The following HORMAD2 variants were observed in gnomAD, a reference collection of about 807,000 sequenced individuals.
HORMAD2 encodes the protein HORMA domain containing 2.
Under a neutral mutation model 38.8 loss-of-function variants are expected in HORMAD2, and 45 were observed. The ratio of observed to expected loss-of-function variants is 1.16; its 90% CI spans 0.91 to 1.49. The LOEUF is 1.49. Ranked by LOEUF, HORMAD2 falls within the 40% of genes most tolerant of loss-of-function variation. The pLI, the probability that HORMAD2 is intolerant of heterozygous loss-of-function variation, is 0.00. For synonymous variants in HORMAD2, 126 were observed against 122.8 expected, an observed-to-expected ratio of 1.03 and a Z score of -0.17; for missense variants, 338 against 367.0, an observed-to-expected ratio of 0.92 and a Z score of 0.65.
intron 10 of HORMAD2, among the ~76,000 whole-genome samples, chr22:30,159,748 A>T: frequency 6.7e-6 from 1 of 149,488 alleles, no homozygotes; most frequent in South Asian, 2.1e-4. Flanking sequence ...GAAAATGCTC[A>T]TTTTTTTTTT....
At chr22:30,191,024 AAG>A in the HORMAD2 span, among the ~76,000 whole-genome samples, 1 of 152,164 alleles carries the variant, frequency 6.6e-6, no homozygotes, top group African/African-American at 2.4e-5. Flanking sequence ...CCAGCAAGGA[AAG>A]AGAGAGAAAC....
upstream of HORMAD2, among the ~76,000 whole-genome samples, chr22:30,077,735 A>C (rs957089262): frequency 1.3e-5 from 2 of 152,200 alleles, no homozygotes; most frequent in African/African-American, 2.4e-5. Flanking sequence ...GCCTCTTAAG[A>C]AGCTTAGGGA....
the HORMAD2 span, among the ~76,000 whole-genome samples, chr22:30,193,335 G>A: frequency 6.6e-6 from 1 of 152,196 alleles, no homozygotes. Flanking sequence ...CAGGTATGAG[G>A]TTGGGCAGTG....
intron 2 of HORMAD2, among the ~76,000 whole-genome samples, chr22:30,097,893 G>A (rs5763767): frequency 0.55 from 83,117 of 152,038 alleles, 23,632 homozygotes; most frequent in African/African-American, 0.69. Context: ...GTATGTCCTC[G>A]GTCAAGCCAG....
At chr22:30,203,756 A>G in the HORMAD2 span, among the ~76,000 whole-genome samples, 1 of 152,110 alleles carries the variant, frequency 6.6e-6, no homozygotes. Flanking sequence ...CAAAACACAC[A>G]TGTTCTCCCT....
intron 10 of HORMAD2, among the ~76,000 whole-genome samples, chr22:30,125,215 T>C (rs1270036300): frequency 8.3e-6 from 1 of 120,656 alleles, no homozygotes; most frequent in Non-Finnish European, 1.6e-5. Context: ...CTTTTTCTTT[T>C]CTTTTTTTTT....
At chr22:30,154,298 C>T (rs1235647273) in intron 10 of HORMAD2, among the ~76,000 whole-genome samples, 1 of 152,180 alleles carries the variant, frequency 6.6e-6, no homozygotes, top group Admixed American at 6.5e-5. Flanking sequence ...TTTCTAAAAT[C>T]TACATTTTTG....
chr22:30,196,188 T>A, the HORMAD2 span, among the ~76,000 whole-genome samples: 3 of 152,196 alleles, frequency 2.0e-5, no homozygotes, highest in Non-Finnish European at 4.4e-5. Flanking sequence ...CCTCTGATGA[T>A]TGGACAAGAG....
At chr22:30,177,715 C>CTTTT (rs59806772), downstream of HORMAD2, among the ~76,000 whole-genome samples, 6 of 94,864 alleles carry the variant, frequency 6.3e-5, no homozygotes, top group Non-Finnish European at 6.1e-5. Flanking sequence ...TAAGGAGGAG[C>CTTTT]TTTTTTTTTT....
At chr22:30,198,428 A>G in the HORMAD2 span, among the ~76,000 whole-genome samples, 2 of 152,104 alleles carry the variant, frequency 1.3e-5, no homozygotes, top group Non-Finnish European at 2.9e-5. Flanking sequence ...TTCATCCACA[A>G]CACACAGATA....
At position 30,121,969 on chromosome 22, in the gene HORMAD2, C is replaced by T; in HGVS notation, c.574C>T (p.Pro192Ser). The T allele has an allele frequency of 6.2e-7, 1 of 1,610,488 alleles. No individual in the cohort carries two copies. Among genetic ancestry groups the T allele is most frequent in the South Asian group, 1.1e-5 (1 of 90,578 alleles). The change falls in exon 10 of 11, where the codon CCA becomes TCA. Residue 192 changes from proline (P) to serine (S), a missense_variant. By Grantham distance (74) the Pro-to-Ser change is moderately conservative. Coordinates refer to ENST00000336726, the MANE Select transcript of HORMAD2 (RefSeq NM_152510.4). Reference sequence around the variant, plus strand: ...TTGCCCTTTTCATTTCGCAGTGACCCCACATGATTACCAACCCCTCGGTTT... The same window carrying T: ...TTGCCCTTTTCATTTCGCAGTGACCTCACATGATTACCAACCCCTCGGTTT... ...MKLHYYNAVT[P>S]HDYQPLGFKE...
At chr22:30,114,482 A>AT (rs1200139726) in intron 7 of HORMAD2, among the ~76,000 whole-genome samples, 1 of 152,196 alleles carries the variant, frequency 6.6e-6, no homozygotes, top group East Asian at 1.9e-4. Context: ...TGATAAAACT[A>AT]TTTAGCTCCC....
At chr22:30,093,593 C>T (rs1472101463) in intron 1 of HORMAD2, among the ~76,000 whole-genome samples, 3 of 152,050 alleles carry the variant, frequency 2.0e-5, no homozygotes, top group African/African-American at 7.2e-5. Context: ...AAACTTATTT[C>T]CCAATGAGTA....
intron 7 of HORMAD2, among the ~76,000 whole-genome samples, chr22:30,113,021 A>C (rs1921776705): frequency 6.6e-6 from 1 of 151,972 alleles, no homozygotes; most frequent in Admixed American, 6.6e-5. Flanking sequence ...TCAGAGCTTT[A>C]CCTCTTTACT....
intron 3 of HORMAD2, among the ~76,000 whole-genome samples, chr22:30,101,056 C>T (rs952078559): frequency 1.3e-5 from 2 of 152,136 alleles, no homozygotes; most frequent in African/African-American, 4.8e-5. Flanking sequence ...CCAGAAATAC[C>T]ATTTGACCAA....
At chr22:30,194,744 G>A in the HORMAD2 span, among the ~76,000 whole-genome samples, 2 of 152,188 alleles carry the variant, frequency 1.3e-5, no homozygotes, top group Admixed American at 6.5e-5. Flanking sequence ...GAGGCAAGTA[G>A]TATCTTGAAG....
chr22:30,180,588 C>T (rs1017063176), downstream of HORMAD2, among the ~76,000 whole-genome samples: 7 of 152,164 alleles, frequency 4.6e-5, no homozygotes, highest in Non-Finnish European at 7.4e-5. Context: ...CCAGTTTATT[C>T]GATCTATAAA....
At chr22:30,197,656 C>T in the HORMAD2 span, among the ~76,000 whole-genome samples, 7 of 151,994 alleles carry the variant, frequency 4.6e-5, no homozygotes, top group African/African-American at 1.7e-4. Flanking sequence ...CAGTTATGGA[C>T]AACAACTAGG....
the HORMAD2 span, among the ~76,000 whole-genome samples, chr22:30,201,412 CTTTTTTTTTT>C: frequency 4.1e-4 from 50 of 121,070 alleles, 1 homozygote; most frequent in Non-Finnish European, 5.9e-4. Flanking sequence ...AGAGTTAAGA[CTTTTTTTTTT>C]TTTTTTTTTT....
Sources: gnomAD v4.1 joint callset for allele counts (sites outside exome capture counted in the v4.1 genomes callset) on GRCh38, gnomAD v4.1.1 for gene constraint, MANE v1.5 for transcripts, NCBI Gene and HGNC (gene_info 2026-07-23, HGNC 2026-07-21) for gene names.